Variants in PREX1 observed in about 807,000 individuals in gnomAD.
PREX1 encodes the protein phosphatidylinositol-3,4,5-trisphosphate dependent Rac exchange factor 1.
A neutral mutation model predicts 198.3 loss-of-function variants in PREX1; 41 were observed. That is an observed-to-expected ratio of 0.21 (90% CI 0.16 to 0.27). The LOEUF is 0.27. PREX1 is among the 10% of genes least tolerant of loss of function. The pLI, the probability that PREX1 is intolerant of heterozygous loss-of-function variation, is 1.00. For synonymous variants in PREX1, 843 were observed against 887.2 expected (o/e 0.95, Z 0.89); for missense variants, 1,620 against 2,200.7 (o/e 0.74, Z 5.28).
chr20:48,634,674 A>C lies in PREX1; in HGVS notation c.4267+2T>G. Reference sequence around the variant, plus strand: ...CAGTGGGGGATGGGAGAAATCACTCACTGGCCACATAGTTCTCGTCCAGCT... The same window carrying C: ...CAGTGGGGGATGGGAGAAATCACTCCCTGGCCACATAGTTCTCGTCCAGCT... On this transcript the variant is annotated splice_donor_variant, in intron 33 of 39. Coordinates refer to ENST00000371941, the MANE Select transcript of PREX1 (RefSeq NM_020820.4). LOFTEE classifies it high-confidence loss of function. 6.2e-7 allele frequency: 1 copy of C among 1,613,862 alleles called. No homozygotes were observed. Among genetic ancestry groups the C allele is most frequent in the Non-Finnish European group, 8.5e-7 (1 of 1,179,750 alleles).
rs1320652549 is a variant in PREX1, at chr20:48,651,003, C to T, written c.2708G>A (p.Arg903Gln). 3.7e-6 allele frequency: 6 copies of T among 1,614,088 alleles called. No homozygotes were observed. Among genetic ancestry groups the T allele is most frequent in the African/African-American group, 2.7e-5 (2 of 74,932 alleles). The change falls in exon 23 of 40, where the codon CGG becomes CAG. Residue 903 changes from arginine to glutamine, a missense_variant. Transcript: ENST00000371941. Reference protein sequence around the residue: ...NDSVFVENCRRLMALSSAIVT... With the variant: ...NDSVFVENCRQLMALSSAIVT... ...GATGGCGCTGCTCAGGGCCATGAGC[C>T]GCCTGCAGTTCTCCACGAAGACGCT...
chr20:48,865,964 T>G, the PREX1 span, among the ~76,000 whole-genome samples: 2 of 152,092 alleles, frequency 1.3e-5, no homozygotes, highest in African/African-American at 2.4e-5. Context: ...TTTTTTTTTT[T>G]TTTGAGACAG....
chr20:48,744,369 A>G (rs2090098044), intron 3 of PREX1, among the ~76,000 whole-genome samples: 1 of 152,156 alleles, frequency 6.6e-6, no homozygotes, highest in East Asian at 1.9e-4. Context: ...ACAGGAGGAA[A>G]TAGAGGCTCA....
intron 1 of PREX1, among the ~76,000 whole-genome samples, chr20:48,774,467 G>C (rs1268248381): frequency 1.3e-5 from 2 of 152,238 alleles, no homozygotes; most frequent in African/African-American, 4.8e-5. Flanking sequence ...GGGGTTCAGA[G>C]CTCTGGGGTC....
At chr20:48,710,398 T>G (rs1394675774) in intron 5 of PREX1, among the ~76,000 whole-genome samples, 3 of 152,208 alleles carry the variant, frequency 2.0e-5, no homozygotes, top group Non-Finnish European at 4.4e-5. Context: ...TGACTATTAC[T>G]ACTACCAACA....
chr20:48,778,989 G>A (rs544322356), intron 1 of PREX1, among the ~76,000 whole-genome samples: 13 of 152,054 alleles, frequency 8.5e-5, no homozygotes, highest in African/African-American at 1.2e-4. Context: ...AGCAAGATCC[G>A]TAAAAGAAGA....
intron 18 of PREX1, 132 bp from the exon 19 acceptor site, chr20:48,655,507 AC>A: frequency 1.4e-6 from 1 of 693,274 alleles, no homozygotes; most frequent in Non-Finnish European, 2.3e-6. Flanking sequence ...TAGTAGTAGC[AC>A]CACCAGGCTT....
intron 1 of PREX1, among the ~76,000 whole-genome samples, chr20:48,749,425 G>A (rs1013089660): frequency 2.6e-5 from 4 of 152,180 alleles, no homozygotes; most frequent in African/African-American, 7.2e-5. Flanking sequence ...GGGCTGCAGG[G>A]GCCTGTCTCA....
At chr20:48,861,081 AGCATT>A in the PREX1 span, among the ~76,000 whole-genome samples, 1 of 152,220 alleles carries the variant, frequency 6.6e-6, no homozygotes, top group Non-Finnish European at 1.5e-5. Context: ...GGCCCCCAGC[AGCATT>A]GCAGTCACAC....
At chr20:48,717,586 CA>C (rs371116948) in intron 5 of PREX1, among the ~76,000 whole-genome samples, 2 of 149,930 alleles carry the variant, frequency 1.3e-5, no homozygotes, top group African/African-American at 2.4e-5. Flanking sequence ...CCCAGCATTG[CA>C]AAAAAAAACC....
At chr20:48,642,351 C>T in intron 28 of PREX1, 56 bp downstream of exon 28, 2 of 1,604,796 alleles carry the variant, frequency 1.2e-6, no homozygotes, top group Non-Finnish European at 1.7e-6. Context: ...ATGGGCCCTC[C>T]CCAGGTGTGA....
At chr20:48,698,573 A>G (rs1435045104) in intron 7 of PREX1, among the ~76,000 whole-genome samples, 1 of 152,150 alleles carries the variant, frequency 6.6e-6, no homozygotes, top group East Asian at 1.9e-4. Context: ...GACGTGAGAT[A>G]GACAGACCTC....
At chr20:48,788,566 G>C (rs1371788459) in intron 1 of PREX1, among the ~76,000 whole-genome samples, 1 of 152,162 alleles carries the variant, frequency 6.6e-6, no homozygotes, top group Non-Finnish European at 1.5e-5. Context: ...TGAGCCCCTA[G>C]ATCAAACTCT....
intron 14 of PREX1, among the ~76,000 whole-genome samples, chr20:48,675,238 A>G (rs4810850): frequency 0.4 from 60,954 of 152,044 alleles, 13,142 homozygotes; most frequent in African/African-American, 0.55. Flanking sequence ...TTTCCCCATG[A>G]GAGGACACAG....
At position 48,696,627 on chromosome 20, in the gene PREX1, A is replaced by G. The variant is rs539535561; in HGVS notation, c.918-3837T>C. 3.3e-5 allele frequency among the ~76,000 whole-genome samples: 5 copies of G among 151,902 alleles called. No individual in the cohort carries two copies. In the South Asian group the frequency reaches 6.2e-4, roughly 19 times the overall value. On this transcript the variant is annotated intron_variant, in intron 7 of 39. Coordinates refer to ENST00000371941, the MANE Select transcript of PREX1 (RefSeq NM_020820.4). ...CACACACATACATACATACATACAT[A>G]CATACATACATACACACATACACAC...
At chr20:48,705,146 G>T (rs1474074939) in intron 6 of PREX1, among the ~76,000 whole-genome samples, 1 of 152,238 alleles carries the variant, frequency 6.6e-6, no homozygotes, top group Non-Finnish European at 1.5e-5. Flanking sequence ...ACCCATGACG[G>T]GGGTACTCCC....
At chr20:48,674,181 G>A (rs1466636955) in intron 14 of PREX1, among the ~76,000 whole-genome samples, 2 of 152,194 alleles carry the variant, frequency 1.3e-5, no homozygotes, top group Admixed American at 1.3e-4. Flanking sequence ...CCAGGACATA[G>A]GGTCCCATAT....
chr20:48,796,702 G>A (rs1298430111), intron 1 of PREX1, among the ~76,000 whole-genome samples: 2 of 150,272 alleles, frequency 1.3e-5, no homozygotes, highest in Non-Finnish European at 3.0e-5. Flanking sequence ...ATATAACATA[G>A]ATGTGATATA....
intron 5 of PREX1, among the ~76,000 whole-genome samples, chr20:48,718,704 A>G (rs2089972770): frequency 6.6e-6 from 1 of 152,228 alleles, no homozygotes; most frequent in Admixed American, 6.5e-5. Flanking sequence ...TATTTCAGGA[A>G]AACACTAGTC....
Sources: allele counts gnomAD v4.1 joint callset (sites outside exome capture counted in the v4.1 genomes callset), GRCh38; gene constraint gnomAD v4.1.1; transcripts MANE v1.5; gene names NCBI Gene and HGNC (gene_info 2026-07-23, HGNC 2026-07-21).